Variants in ATRN observed in about 807,000 individuals in gnomAD.
The protein encoded by ATRN is attractin, also known as attractin-2.
A neutral mutation model predicts 178.7 loss-of-function variants in ATRN; 54 were observed. The ratio of observed to expected loss-of-function variants is 0.30; its 90% CI spans 0.24 to 0.38. The LOEUF is 0.38. ATRN is among the 10% of genes least tolerant of loss of function. The pLI is 1.00. For synonymous variants in ATRN, 636 were observed against 663.0 expected (o/e 0.96, Z 0.63); for missense variants, 1,443 against 1,815.1 (o/e 0.79, Z 3.73).
intron 15 of ATRN, among the ~76,000 whole-genome samples, chr20:3,581,684 A>G (rs1396317844): frequency 6.6e-6 from 1 of 152,198 alleles, no homozygotes; most frequent in Non-Finnish European, 1.5e-5. Context: ...CAGATTAGGG[A>G]TACTCAGCCT....
At chr20:3,538,425 C>G (rs2085570956) in intron 2 of ATRN, among the ~76,000 whole-genome samples, 1 of 152,070 alleles carries the variant, frequency 6.6e-6, no homozygotes, top group African/African-American at 2.4e-5. Flanking sequence ...GTTTTGACCT[C>G]CTGGGACCTC....
intron 1 of ATRN, among the ~76,000 whole-genome samples, chr20:3,510,419 A>T (rs2085108977): frequency 6.6e-6 from 1 of 152,232 alleles, no homozygotes; most frequent in African/African-American, 2.4e-5. Flanking sequence ...GTGTTTCAGG[A>T]AAACTTTATC....
chr20:3,527,222 T>A (rs1420275183), intron 1 of ATRN, among the ~76,000 whole-genome samples: 2 of 151,424 alleles, frequency 1.3e-5, no homozygotes, highest in Non-Finnish European at 2.9e-5. Flanking sequence ...AAGACCAAAT[T>A]TACAAGAAAA....
chr20:3,607,637 G>A (rs184117017), intron 24 of ATRN, among the ~76,000 whole-genome samples: 2 of 152,256 alleles, frequency 1.3e-5, no homozygotes, highest in East Asian at 1.9e-4. Flanking sequence ...TGGACACGTA[G>A]GTTGATTCCA....
At chr20:3,555,930 G>C (rs2085870506) in intron 6 of ATRN, among the ~76,000 whole-genome samples, 1 of 152,220 alleles carries the variant, frequency 6.6e-6, no homozygotes, top group African/African-American at 2.4e-5. Flanking sequence ...TCAAGGAGCA[G>C]AAGGAGATTC....
At chr20:3,490,795 T>A (rs760224969) in intron 1 of ATRN, 24 of 793,756 alleles carry the variant, frequency 3.0e-5, no homozygotes, top group Non-Finnish European at 5.6e-5. Context: ...GGTCCTGAAA[T>A]GGCATTGAGT....
At chr20:3,625,217 T>A (rs1022280402) in intron 25 of ATRN, among the ~76,000 whole-genome samples, 2 of 152,210 alleles carry the variant, frequency 1.3e-5, no homozygotes, top group African/African-American at 4.8e-5. Context: ...TCAGTTAAGT[T>A]CTCTTTTGAT....
At chr20:3,564,080 C>T (rs1023070308) in intron 10 of ATRN, among the ~76,000 whole-genome samples, 10 of 152,190 alleles carry the variant, frequency 6.6e-5, no homozygotes, top group Non-Finnish European at 1.5e-4. Flanking sequence ...TACAGTCTGT[C>T]TCTGTGATTT....
chr20:3,590,890 C>T (rs965026358), intron 18 of ATRN, among the ~76,000 whole-genome samples: 1 of 152,078 alleles, frequency 6.6e-6, no homozygotes, highest in East Asian at 1.9e-4. Context: ...TTTAAGTATA[C>T]TGTCATGAGC....
Position 3,582,364 on chromosome 20 carries a change from CA to C in ATRN, c.2764+11del, listed in dbSNP as rs1232056054. On this transcript the variant is annotated intron_variant, in intron 16 of 28. Transcript: ENST00000262919. ...GTCTGTGAAAGGCCTGGTAAGTTCA[CA>C]GGTGAATTAGGTGGTATTCAGAGTT... 2.5e-6 allele frequency: 4 copies of C among 1,610,992 alleles called. No homozygotes were observed. In the African/African-American group the frequency reaches 5.3e-5, roughly 22 times the overall value.
At chr20:3,578,463 GA>G in intron 14 of ATRN, 118 bp from the exon 15 acceptor site, 1 of 857,272 alleles carries the variant, frequency 1.2e-6, no homozygotes, top group Non-Finnish European at 1.7e-6. Context: ...ACATCCTAAT[GA>G]AGTACCTAGA....
chr20:3,500,589 A>G (rs2084947492), intron 1 of ATRN, among the ~76,000 whole-genome samples: 1 of 151,036 alleles, frequency 6.6e-6, no homozygotes, highest in Non-Finnish European at 1.5e-5. Flanking sequence ...CGCAAGAACA[A>G]AAAACCAAAC....
intron 19 of ATRN, among the ~76,000 whole-genome samples, chr20:3,593,348 C>T (rs1361713822): frequency 1.3e-5 from 2 of 152,080 alleles, no homozygotes; most frequent in African/African-American, 4.8e-5. Flanking sequence ...TTGTATAGTC[C>T]TTAGGTAACG....
At chr20:3,629,263 G>A (rs961148801) in intron 25 of ATRN, 4 of 985,324 alleles carry the variant, frequency 4.1e-6, no homozygotes, top group African/African-American at 3.5e-5. Flanking sequence ...TTACCTTCCT[G>A]TCGTATCTAA....
chr20:3,478,314 A>T (rs1356217330), intron 1 of ATRN, among the ~76,000 whole-genome samples: 2 of 152,180 alleles, frequency 1.3e-5, no homozygotes, highest in East Asian at 3.9e-4. Flanking sequence ...TGGGCTATCC[A>T]GCCCATCAGT....
intron 4 of ATRN, among the ~76,000 whole-genome samples, chr20:3,546,522 A>C (rs1280152947): frequency 6.6e-6 from 1 of 151,236 alleles, no homozygotes; most frequent in African/African-American, 2.4e-5. Flanking sequence ...CTCTTGAGTA[A>C]CTGGGATTAC....
rs751189293 is a variant in ATRN, at chr20:3,646,862, A to ACTCT, written c.*17_*20dup. The ACTCT allele has an allele frequency of 6.2e-7, 1 of 1,612,684 alleles. No individual in the cohort carries two copies. Among genetic ancestry groups the ACTCT allele is most frequent in the Non-Finnish European group, 8.5e-7 (1 of 1,179,594 alleles). ...CCTGCATCTGATGCTGGGGCCAGGG[A>ACTCT]CTCTCCCACGCACGAGCTAGTGAGT... On this transcript the variant is annotated 3_prime_UTR_variant, in exon 29 of 29. Coordinates refer to ENST00000262919, the MANE Select transcript of ATRN (RefSeq NM_139321.3).
intron 3 of ATRN, among the ~76,000 whole-genome samples, chr20:3,541,299 G>A (rs1303265161): frequency 6.6e-6 from 1 of 151,894 alleles, no homozygotes; most frequent in East Asian, 1.9e-4. Flanking sequence ...GGATGGTCTC[G>A]ATCTCCTGAC....
chr20:3,559,539 A>G, intron 7 of ATRN, 56 bp downstream of exon 7: 1 of 1,399,896 alleles, frequency 7.1e-7, no homozygotes, highest in East Asian at 2.3e-5. Context: ...CAGTTACTTC[A>G]TGTATTACAT....
Sources: gnomAD v4.1 joint callset for allele counts (sites outside exome capture counted in the v4.1 genomes callset) on GRCh38, gnomAD v4.1.1 for gene constraint, MANE v1.5 for transcripts, NCBI Gene and HGNC (gene_info 2026-07-23, HGNC 2026-07-21) for gene names.